THSD7A: variants seen among roughly 807,000 people sequenced by gnomAD.
THSD7A encodes thrombospondin type-1 domain-containing protein 7A.
Under a neutral mutation model 231.3 loss-of-function variants are expected in THSD7A, and 96 were observed. The ratio of observed to expected loss-of-function variants is 0.41; its 90% CI spans 0.35 to 0.49. The LOEUF is 0.49. Among genes scored for constraint, THSD7A ranks in the 20% least tolerant of loss-of-function variants. The probability of loss-of-function intolerance (pLI) is 0.05; values close to 1 mark genes in which losing one functional copy is unlikely to be tolerated. For missense variants in THSD7A, 2,290 were observed against 2,070.2 expected (o/e 1.11, Z -2.06); for synonymous variants, 940 against 743.3 (o/e 1.26, Z -4.30).
chr7:11,605,937 C>T (rs1780720288), intron 2 of THSD7A, among the ~76,000 whole-genome samples: 1 of 152,140 alleles, frequency 6.6e-6, no homozygotes, highest in Admixed American at 6.6e-5. Context: ...AGCTCCAGAA[C>T]ATGTAATTGT....
chr7:11,395,858 A>AT (rs899974610), intron 23 of THSD7A, among the ~76,000 whole-genome samples: 4 of 152,196 alleles, frequency 2.6e-5, no homozygotes, highest in East Asian at 3.9e-4. Flanking sequence ...ACCACATTGC[A>AT]TTTTTTCTAA....
intron 1 of THSD7A, among the ~76,000 whole-genome samples, chr7:11,669,056 T>C (rs1210934220): frequency 6.6e-6 from 1 of 152,184 alleles, no homozygotes. Flanking sequence ...TATTTATTAC[T>C]TAGTATTTCT....
Position 11,370,382 on chromosome 7 carries a change from T to G in THSD7A, c.*5412A>C, listed in dbSNP as rs1782007019. On this transcript the variant is annotated 3_prime_UTR_variant, in exon 28 of 28. Coordinates refer to ENST00000423059, the MANE Select transcript of THSD7A (RefSeq NM_015204.3). ...TTTAGGTATTCACTGGAAAAAAATTTTAATCCATATTTAAGAAGCAATTGG... is the reference window on the plus strand; with the variant it reads ...TTTAGGTATTCACTGGAAAAAAATTGTAATCCATATTTAAGAAGCAATTGG... The G allele has an allele frequency of 6.6e-6, 1 of 152,180 alleles. No homozygotes were observed. The allele number at this position is 152,180 out of a possible 1,614,324, so 9.4% of individuals were successfully genotyped here. A position where few individuals can be genotyped will look rare whatever the true frequency, so the allele number is the denominator to read the frequency against.
intron 1 of THSD7A, among the ~76,000 whole-genome samples, chr7:11,815,255 T>C (rs996431121): frequency 1.3e-5 from 2 of 151,690 alleles, no homozygotes; most frequent in African/African-American, 4.8e-5. Flanking sequence ...TTATGAGATT[T>C]TTTTGTTTTT....
Position 11,406,189 on chromosome 7 carries a change from G to C in THSD7A, c.4237+111C>G. 1 of 1,116,308 alleles carries C rather than the reference G, an allele frequency of 9.0e-7. No individual in the cohort carries two copies. The highest frequency in any genetic ancestry group is 1.3e-6 in the Non-Finnish European group (1 of 786,038). 69.2% of individuals were successfully genotyped at this position (1,116,308 alleles called of 1,614,324 possible). ...TTGAGCTGTTGGCATAGATATTACT[G>C]AATAAGAAGACTGTTGACATCCTGT... On this transcript the variant is annotated intron_variant, in intron 22 of 27. Transcript: ENST00000423059. This position sits in a 1 kb window ranked among gnomAD's most constrained non-coding sequence, Gnocchi z 4.7.
intron 1 of THSD7A, among the ~76,000 whole-genome samples, chr7:11,715,567 A>G (rs1329638413): frequency 1.3e-5 from 2 of 151,484 alleles, no homozygotes; most frequent in Admixed American, 1.3e-4. Context: ...CTGTCTCTCA[A>G]AGCAATAGAA....
intron 4 of THSD7A, among the ~76,000 whole-genome samples, chr7:11,554,827 G>A (rs1318722828): frequency 1.3e-5 from 2 of 151,716 alleles, no homozygotes; most frequent in East Asian, 1.9e-4. Context: ...GTTGTGGTAG[G>A]TTGCAATTTA....
intron 2 of THSD7A, among the ~76,000 whole-genome samples, chr7:11,621,312 C>A (rs143901655): frequency 6.6e-6 from 1 of 152,102 alleles, no homozygotes; most frequent in African/African-American, 2.4e-5. Flanking sequence ...ACACTGTATC[C>A]CAGTCACGAC....
rs73676013 is a variant in THSD7A, at chr7:11,564,613, C to T, written c.1454-21496G>A. Among the ~76,000 whole-genome samples, 530 of 152,250 alleles carry T rather than the reference C, an allele frequency of 3.5e-3. 3 individuals carry two copies. Among genetic ancestry groups the T allele is most frequent in the African/African-American group, 0.012 (504 of 41,552 alleles). On this transcript the variant is annotated intron_variant, in intron 4 of 27. Transcript: ENST00000423059. ...ATACCATCTTAGCAGACAGAAACTC[C>T]TCCCAGGGTCTAGAGTCTAGATGGG...
At chr7:11,544,153 C>G (rs1329891509) in intron 4 of THSD7A, among the ~76,000 whole-genome samples, 1 of 152,050 alleles carries the variant, frequency 6.6e-6, no homozygotes, top group Non-Finnish European at 1.5e-5. Flanking sequence ...ACCATCCAGG[C>G]CAGCATGGTG....
At chr7:11,423,765 T>C (rs1784229238) in intron 16 of THSD7A, among the ~76,000 whole-genome samples, 1 of 152,172 alleles carries the variant, frequency 6.6e-6, no homozygotes, top group Non-Finnish European at 1.5e-5. Context: ...ATGGGTATTC[T>C]TGGTACATTA....
chr7:11,463,756 G>C (rs1785593692), intron 9 of THSD7A, among the ~76,000 whole-genome samples: 1 of 152,156 alleles, frequency 6.6e-6, no homozygotes. Context: ...TTGAATGCCA[G>C]CTGCAACTTT....
At chr7:11,419,133 C>T (rs943009705) in intron 16 of THSD7A, among the ~76,000 whole-genome samples, 10 of 152,084 alleles carry the variant, frequency 6.6e-5, no homozygotes, top group Non-Finnish European at 4.4e-5. Flanking sequence ...ACCTATTGAC[C>T]AGAGTTAAGA....
intron 2 of THSD7A, among the ~76,000 whole-genome samples, chr7:11,610,614 T>A (rs1780891055): frequency 6.6e-6 from 1 of 152,206 alleles, no homozygotes; most frequent in Non-Finnish European, 1.5e-5. Flanking sequence ...CTCAGAGAAA[T>A]GGGAATGCTA....
chr7:11,446,456 A>C lies in THSD7A; in HGVS notation c.2801-132T>G. 9.4e-7 allele frequency: 1 copy of C among 1,060,112 alleles called. No individual in the cohort carries two copies. Among genetic ancestry groups the C allele is most frequent in the Non-Finnish European group, 1.4e-6 (1 of 736,904 alleles). 65.7% of individuals were successfully genotyped at this position (1,060,112 alleles called of 1,614,324 possible). The stretch of plus-strand genomic sequence containing the variant: ...CATATTTAACAGTAGCCTATAAATC[A>C]ATGCTATTTTCTCATTCCACAGTGT... On this transcript the variant is annotated intron_variant, in intron 12 of 27. Coordinates refer to ENST00000423059, the MANE Select transcript of THSD7A (RefSeq NM_015204.3). This position sits in a 1 kb window ranked among gnomAD's most constrained non-coding sequence, Gnocchi z 4.0.
At chr7:11,412,420 C>T (rs1415252605) in intron 18 of THSD7A, among the ~76,000 whole-genome samples, 2 of 152,150 alleles carry the variant, frequency 1.3e-5, no homozygotes, top group African/African-American at 4.8e-5. Context: ...AGTATATTCA[C>T]AACCTACTTT....
chr7:11,499,552 A>C (rs1174144181), intron 6 of THSD7A, among the ~76,000 whole-genome samples: 1 of 152,214 alleles, frequency 6.6e-6, no homozygotes, highest in African/African-American at 2.4e-5. Context: ...GGCAAACCCC[A>C]ATCCAAGGAA....
intron 13 of THSD7A, among the ~76,000 whole-genome samples, chr7:11,431,877 C>G (rs1461888596): frequency 1.3e-5 from 2 of 151,904 alleles, no homozygotes; most frequent in African/African-American, 4.8e-5. Flanking sequence ...GTGTACAGGT[C>G]TTGAACTTAT....
At chr7:11,436,618 G>C (rs929948409) in intron 13 of THSD7A, among the ~76,000 whole-genome samples, 1 of 151,610 alleles carries the variant, frequency 6.6e-6, no homozygotes, top group African/African-American at 2.4e-5. Flanking sequence ...ATTATAATTG[G>C]AATGCTTTAA....
Sources: gnomAD v4.1 joint callset for allele counts (sites outside exome capture counted in the v4.1 genomes callset) on GRCh38, gnomAD v4.1.1 for gene constraint, Gnocchi (gnomAD v3.1) non-coding constraint, MANE v1.5 for transcripts, NCBI Gene and HGNC (gene_info 2026-07-23, HGNC 2026-07-21) for gene names.